Variants in GALNT18 observed in about 807,000 individuals in gnomAD.
The protein encoded by GALNT18 is GalNAc-transferase 18.
In GALNT18, 44 loss-of-function variants were observed where a neutral mutation model predicts 69.5. The ratio of observed to expected loss-of-function variants is 0.63; its 90% confidence interval spans 0.50 to 0.81. The LOEUF is 0.81. Ranked by LOEUF, GALNT18 falls within the 40% of genes least tolerant of loss-of-function variation. GALNT18 has a pLI of 0.00. For missense variants in GALNT18, 715 were observed against 810.0 expected, an observed-to-expected ratio of 0.88 and a Z score of 1.42; for synonymous variants, 364 against 318.2, an observed-to-expected ratio of 1.14 and a Z score of -1.53.
rs1236111157 is a variant in GALNT18, at chr11:11,340,483, A to G, written c.1278+336T>C. ...ACTGGTATATTTGTAATCCAGGACC[A>G]TGAAACATCTAATGTCAGAGAAGCT... On this transcript the variant is annotated intron_variant, in intron 7 of 10. Coordinates refer to ENST00000227756, the MANE Select transcript of GALNT18 (RefSeq NM_198516.3). This position sits in a 1 kb window ranked among gnomAD's most constrained non-coding sequence, Gnocchi z 4.2. Among the ~76,000 whole-genome samples, 1 of 152,220 alleles carries G rather than the reference A, an allele frequency of 6.6e-6. No individual in the cohort carries two copies. Among genetic ancestry groups the G allele is most frequent in the East Asian group, 1.9e-4 (1 of 5,204 alleles).
In GALNT18 at chr11:11,613,609, A is replaced by G. The variant is rs1266154924; in HGVS notation, c.235+7750T>C. ...ACATCAAGGACCCCTGGGCTCAAGCATTGCATTACAGATGGAGCTGACTCT... is the reference window on the plus strand; with the variant it reads ...ACATCAAGGACCCCTGGGCTCAAGCGTTGCATTACAGATGGAGCTGACTCT... On this transcript the variant is annotated intron_variant, in intron 1 of 10. Coordinates refer to ENST00000227756, the MANE Select transcript of GALNT18 (RefSeq NM_198516.3). This position sits in a 1 kb window ranked among gnomAD's most constrained non-coding sequence, Gnocchi z 4.2. Among the ~76,000 whole-genome samples the G allele has an allele frequency of 6.6e-6, 1 of 152,252 alleles. No homozygotes were observed.
intron 3 of GALNT18, among the ~76,000 whole-genome samples, chr11:11,431,258 C>T (rs750181753): frequency 2.6e-5 from 4 of 152,206 alleles, no homozygotes; most frequent in South Asian, 2.1e-4. Context: ...CAATGTAAGA[C>T]GTGAGGAGGA....
chr11:11,534,253 T>C (rs1412543184), intron 1 of GALNT18, among the ~76,000 whole-genome samples: 1 of 152,194 alleles, frequency 6.6e-6, no homozygotes, highest in African/African-American at 2.4e-5. Flanking sequence ...GCCAACCTGA[T>C]GGCCCCTGAG....
intron 3 of GALNT18, among the ~76,000 whole-genome samples, chr11:11,428,387 G>T (rs746848974): frequency 6.6e-6 from 1 of 152,212 alleles, no homozygotes; most frequent in African/African-American, 2.4e-5. Flanking sequence ...TTCCACATGG[G>T]AACTCTAGCC....
intron 10 of GALNT18, among the ~76,000 whole-genome samples, chr11:11,287,915 A>C (rs1190940076): frequency 6.6e-6 from 1 of 152,132 alleles, no homozygotes; most frequent in Non-Finnish European, 1.5e-5. Flanking sequence ...CTAATCCATC[A>C]TTGTGTAATA....
At chr11:11,407,172 T>C (rs1854607746) in intron 3 of GALNT18, among the ~76,000 whole-genome samples, 1 of 152,208 alleles carries the variant, frequency 6.6e-6, no homozygotes, top group Admixed American at 6.5e-5. Context: ...AGACAATGTG[T>C]TCAGGCCAAG....
In GALNT18 at chr11:11,500,459, A is replaced by C. The variant is rs183806924; in HGVS notation, c.236-51523T>G. Among the ~76,000 whole-genome samples, 27 of 152,324 alleles carry C rather than the reference A, an allele frequency of 1.8e-4. No individual in the cohort carries two copies. Among genetic ancestry groups the C allele is most frequent in the African/African-American group, 6.3e-4 (26 of 41,580 alleles). ...TGGAGGCTTAAATGAGTTCAGGCCAATACCCAGATCAGCAGCCATGTCTGG... is the reference window on the plus strand; with the variant it reads ...TGGAGGCTTAAATGAGTTCAGGCCACTACCCAGATCAGCAGCCATGTCTGG... On this transcript the variant is annotated intron_variant, in intron 1 of 10. Transcript: ENST00000227756. The surrounding 1 kb of genome is among the most constrained non-coding windows in gnomAD (Gnocchi z 5.0).
intron 1 of GALNT18, among the ~76,000 whole-genome samples, chr11:11,552,882 C>T (rs1210270810): frequency 6.6e-6 from 1 of 152,162 alleles, no homozygotes; most frequent in Non-Finnish European, 1.5e-5. Flanking sequence ...CTCTGCTCCA[C>T]ACCCAGCCCC....
chr11:11,572,965 G>A (rs528738859), intron 1 of GALNT18, among the ~76,000 whole-genome samples: 2 of 152,242 alleles, frequency 1.3e-5, no homozygotes, highest in Non-Finnish European at 1.5e-5. Context: ...CCTACTCTGT[G>A]CAAAACTCTT....
At chr11:11,288,583 C>T (rs1156310459) in intron 10 of GALNT18, among the ~76,000 whole-genome samples, 2 of 152,156 alleles carry the variant, frequency 1.3e-5, no homozygotes, top group African/African-American at 4.8e-5. Context: ...TCCTGTCCAA[C>T]CCCCATGCTC....
chr11:11,287,749 TGAA>T (rs985090580), intron 10 of GALNT18, among the ~76,000 whole-genome samples: 7 of 152,174 alleles, frequency 4.6e-5, no homozygotes, highest in African/African-American at 1.7e-4. Context: ...TCTAATATTA[TGAA>T]GTTTTGTCAT....
intron 1 of GALNT18, among the ~76,000 whole-genome samples, chr11:11,464,826 T>C (rs1856120913): frequency 6.6e-6 from 1 of 152,172 alleles, no homozygotes; most frequent in South Asian, 2.1e-4. Flanking sequence ...TTTACTAATG[T>C]TGAAAATTGG....
chr11:11,621,612 T>C lies in GALNT18; in HGVS notation c.-19A>G. On this transcript the variant is annotated 5_prime_UTR_variant, in exon 1 of 11. It adds an upstream start codon to the 5' untranslated region. Coordinates refer to ENST00000227756, the MANE Select transcript of GALNT18 (RefSeq NM_198516.3). The surrounding 1 kb of genome is among the most constrained non-coding windows in gnomAD (Gnocchi z 9.3). ...ACACCATTCTGGGCTCCTTCCTCCA[T>C]ATAGAGCTCCCGGGGGCCCTTCCTT... 1 of 1,545,546 alleles carries C rather than the reference T, an allele frequency of 6.5e-7. No individual in the cohort carries two copies. The highest frequency in any genetic ancestry group is 1.7e-4 in the Middle Eastern group (1 of 5,878).
chr11:11,276,677 T>G (rs185096093), intron 10 of GALNT18, among the ~76,000 whole-genome samples: 1 of 152,344 alleles, frequency 6.6e-6, no homozygotes, highest in Non-Finnish European at 1.5e-5. Flanking sequence ...TATTTTGAGA[T>G]ATGTTCCATC....
intron 3 of GALNT18, among the ~76,000 whole-genome samples, chr11:11,401,902 G>A (rs1271521092): frequency 6.6e-6 from 1 of 152,192 alleles, no homozygotes; most frequent in Non-Finnish European, 1.5e-5. Flanking sequence ...AGATAGCTAA[G>A]GAAATTCCCA....
chr11:11,521,573 A>C (rs926283069), intron 1 of GALNT18, among the ~76,000 whole-genome samples: 3 of 152,230 alleles, frequency 2.0e-5, no homozygotes, highest in Non-Finnish European at 4.4e-5. Context: ...GAGGCCAGGC[A>C]GCCACTTTCC....
chr11:11,445,535 A>G (rs986961500), intron 2 of GALNT18, among the ~76,000 whole-genome samples: 1 of 152,230 alleles, frequency 6.6e-6, no homozygotes, highest in Non-Finnish European at 1.5e-5. Flanking sequence ...ATTAACAGAC[A>G]AAAGGAGGCA....
At chr11:11,290,955 T>G (rs893625538) in intron 10 of GALNT18, among the ~76,000 whole-genome samples, 1 of 152,174 alleles carries the variant, frequency 6.6e-6, no homozygotes, top group Non-Finnish European at 1.5e-5. Context: ...GTCTTCAACC[T>G]ACAAGCCTAC....
chr11:11,557,530 G>C (rs1858360094), intron 1 of GALNT18, among the ~76,000 whole-genome samples: 1 of 152,142 alleles, frequency 6.6e-6, no homozygotes, highest in Admixed American at 6.5e-5. Context: ...CTGTGCCTCA[G>C]TTTCCTCATC....
Sources: gnomAD v4.1 joint callset for allele counts (sites outside exome capture counted in the v4.1 genomes callset) on GRCh38, gnomAD v4.1.1 for gene constraint, Gnocchi (gnomAD v3.1) non-coding constraint, MANE v1.5 for transcripts, NCBI Gene and HGNC (gene_info 2026-07-23, HGNC 2026-07-21) for gene names.